Variants in MAST4 observed in about 807,000 individuals in gnomAD.
The protein encoded by MAST4 is microtubule associated serine/threonine kinase family member 4.
Under a neutral mutation model 162.7 loss-of-function variants are expected in MAST4, and 89 were observed. That is an observed-to-expected ratio of 0.55 (90% confidence interval 0.46 to 0.65). The LOEUF is 0.65. Among genes scored for constraint, MAST4 ranks in the 30% least tolerant of loss-of-function variants. The pLI is 0.00. For missense variants in MAST4, 3,153 were observed against 3,374.0 expected (o/e 0.93, Z 1.62); for synonymous variants, 1,479 against 1,361.1 (o/e 1.09, Z -1.91).
intron 1 of MAST4, among the ~76,000 whole-genome samples, chr5:66,631,066 T>C (rs1343593436): frequency 6.6e-6 from 1 of 152,210 alleles, no homozygotes; most frequent in Non-Finnish European, 1.5e-5. Context: ...AGCCTCCATG[T>C]TTTTTTCTCT....
chr5:66,890,047 G>A (rs1762272100), intron 3 of MAST4, among the ~76,000 whole-genome samples: 1 of 151,894 alleles, frequency 6.6e-6, no homozygotes, highest in Admixed American at 6.6e-5. Flanking sequence ...TTTTTTTTAT[G>A]AAGGACTGTG....
At chr5:66,612,875 A>C (rs1319435532) in intron 1 of MAST4, among the ~76,000 whole-genome samples, 1 of 152,178 alleles carries the variant, frequency 6.6e-6, no homozygotes, top group Non-Finnish European at 1.5e-5. Context: ...TAAAAGTCAT[A>C]TTTAGGAGGA....
intron 5 of MAST4, among the ~76,000 whole-genome samples, chr5:67,084,225 A>G (rs1429904110): frequency 6.6e-6 from 1 of 152,180 alleles, no homozygotes; most frequent in Non-Finnish European, 1.5e-5. Context: ...AAAACATTAC[A>G]TGTCCGTTTA....
At chr5:67,124,322 G>A (rs1435831676) in intron 14 of MAST4, among the ~76,000 whole-genome samples, 2 of 152,142 alleles carry the variant, frequency 1.3e-5, no homozygotes, top group East Asian at 1.9e-4. Flanking sequence ...AGCCATATCA[G>A]TTCAGTACAA....
At chr5:66,779,885 C>T (rs948981519) in intron 2 of MAST4, among the ~76,000 whole-genome samples, 3 of 152,048 alleles carry the variant, frequency 2.0e-5, no homozygotes, top group African/African-American at 7.2e-5. Flanking sequence ...ACTCATTTCC[C>T]CTAACTTATA....
At chr5:67,116,857 C>T (rs189195171) in intron 12 of MAST4, among the ~76,000 whole-genome samples, 3 of 152,210 alleles carry the variant, frequency 2.0e-5, no homozygotes, top group Admixed American at 2.0e-4. Context: ...GATTGTTCTA[C>T]ATTTGTTTCC....
intron 4 of MAST4, among the ~76,000 whole-genome samples, chr5:66,915,774 G>T (rs538789103): frequency 6.6e-5 from 10 of 152,212 alleles, no homozygotes; most frequent in Non-Finnish European, 8.8e-5. Context: ...CTGTCTCAGG[G>T]ACACAGGTCC....
chr5:66,751,479 G>C (rs1051747131), intron 1 of MAST4, among the ~76,000 whole-genome samples: 5 of 150,960 alleles, frequency 3.3e-5, no homozygotes, highest in Non-Finnish European at 7.4e-5. Context: ...ACCAAGGCTC[G>C]AGAACTATGT....
At chr5:66,683,537 C>T (rs1015552289) in intron 1 of MAST4, among the ~76,000 whole-genome samples, 6 of 152,164 alleles carry the variant, frequency 3.9e-5, no homozygotes, top group African/African-American at 1.4e-4. Flanking sequence ...AAGCTAGGAT[C>T]AAGGTTGATA....
chr5:66,720,464 G>T (rs1751130435), intron 1 of MAST4, among the ~76,000 whole-genome samples: 1 of 151,920 alleles, frequency 6.6e-6, no homozygotes, highest in African/African-American at 2.4e-5. Flanking sequence ...ATTTTCTTAG[G>T]AATTGTCTCT....
At chr5:67,087,838 A>G (rs2150776033) in intron 5 of MAST4, among the ~76,000 whole-genome samples, 1 of 152,316 alleles carries the variant, frequency 6.6e-6, no homozygotes, top group East Asian at 1.9e-4. Flanking sequence ...TAACACCTCT[A>G]TAGTCTTGAA....
chr5:66,632,732 CTA>C (rs1480621303), intron 1 of MAST4, among the ~76,000 whole-genome samples: 1 of 151,960 alleles, frequency 6.6e-6, no homozygotes, highest in Non-Finnish European at 1.5e-5. Flanking sequence ...ATTTTCAAGA[CTA>C]AAAATTATTT....
chr5:66,988,670 G>A (rs746765503), intron 4 of MAST4, among the ~76,000 whole-genome samples: 2 of 152,146 alleles, frequency 1.3e-5, no homozygotes, highest in Non-Finnish European at 2.9e-5. Flanking sequence ...AACATGGGCA[G>A]TGGCTCCAGG....
chr5:66,721,139 A>AT lies in MAST4; in HGVS notation c.364-38569dup, dbSNP rs1580289578. On this transcript the variant is annotated intron_variant, in intron 1 of 28. Transcript: ENST00000403625. ...TCTCCTGCATTGTGCGTGTCCACAC[A>AT]TAAGTATGCTGTCATTGTTTCATCT... is the stretch of plus-strand genomic sequence containing the variant. 2.0e-5 allele frequency among the ~76,000 whole-genome samples: 3 copies of AT among 152,202 alleles called. No individual in the cohort carries two copies. The South Asian group carries it at 6.2e-4, about 32-fold the overall frequency.
chr5:66,995,189 A>G (rs912303930), intron 4 of MAST4, among the ~76,000 whole-genome samples: 1 of 152,150 alleles, frequency 6.6e-6, no homozygotes, highest in Non-Finnish European at 1.5e-5. Context: ...TTTAGTATTT[A>G]TTTCCAAGAC....
At chr5:66,965,724 A>G (rs1047189604) in intron 4 of MAST4, among the ~76,000 whole-genome samples, 2 of 152,168 alleles carry the variant, frequency 1.3e-5, no homozygotes, top group Non-Finnish European at 2.9e-5. Flanking sequence ...TTGGAACTGT[A>G]TAGAGATTGA....
intron 1 of MAST4, among the ~76,000 whole-genome samples, chr5:66,621,781 C>T (rs1468226769): frequency 6.6e-6 from 1 of 152,140 alleles, no homozygotes; most frequent in African/African-American, 2.4e-5. Context: ...TCCCTGGTCT[C>T]ATGGGGTTTA....
chr5:66,899,669 G>A (rs458723), intron 3 of MAST4, among the ~76,000 whole-genome samples: 82,678 of 151,844 alleles, frequency 0.54, 22,993 homozygotes, highest in African/African-American at 0.63. Context: ...TTGTAGGGCC[G>A]TGTAACTCAA....
intron 8 of MAST4, 168 bp from the exon 9 acceptor site, chr5:67,102,368 T>G: frequency 1.5e-6 from 1 of 685,530 alleles, no homozygotes. Context: ...TTTATGGGAA[T>G]GTATGTGTGC....
Sources: gnomAD v4.1 joint callset for allele counts (sites outside exome capture counted in the v4.1 genomes callset) on GRCh38, gnomAD v4.1.1 for gene constraint, MANE v1.5 for transcripts, NCBI Gene and HGNC (gene_info 2026-07-23, HGNC 2026-07-21) for gene names.